Variants in COL14A1 observed in about 807,000 individuals in gnomAD.
The protein encoded by COL14A1 is collagen alpha-1(XIV) chain.
In COL14A1, 136 loss-of-function variants were observed where a neutral mutation model predicts 230.3. That is an observed-to-expected ratio of 0.59 (90% CI 0.51 to 0.68). The LOEUF is 0.68. Among genes scored for constraint, COL14A1 ranks in the 30% least tolerant of loss-of-function variants. COL14A1 has a pLI of 0.00. For synonymous variants in COL14A1, 792 were observed against 784.1 expected (o/e 1.01, Z -0.17); for missense variants, 1,976 against 2,215.8 (o/e 0.89, Z 2.17).
rs539318488 is a variant in COL14A1 at position 120,306,300 on chromosome 8, A to T, written c.4402-3709A>T. Among the ~76,000 whole-genome samples the T allele has an allele frequency of 5.9e-5, 9 of 152,248 alleles. No individual in the cohort carries two copies. The East Asian group carries it at 1.4e-3, about 23-fold the overall frequency. ...TATTTATTTGTGACCTAAACAGCAA[A>T]CTTTCTAATGGGGAGAAGCAGCAGA... On this transcript the variant is annotated intron_variant, in intron 36 of 47. Coordinates refer to ENST00000297848, the MANE Select transcript of COL14A1 (RefSeq NM_021110.4).
rs937056194 is a variant in COL14A1, at chr8:120,192,502, G to C, written c.437-4289G>C. Among the ~76,000 whole-genome samples, 5 of 152,074 alleles carry C rather than the reference G, an allele frequency of 3.3e-5. No homozygotes were observed. In the East Asian group the frequency reaches 7.7e-4, roughly 23 times the overall value. On this transcript the variant is annotated intron_variant, in intron 5 of 47. Coordinates refer to ENST00000297848, the MANE Select transcript of COL14A1 (RefSeq NM_021110.4). The stretch of plus-strand genomic sequence containing the variant: ...CATTTTTTCCTTCATTTCAACTTTG[G>C]TGAATCTGACAATTATGTATCTTGG...
intron 47 of COL14A1, 154 bp from the exon 48 acceptor site, chr8:120,370,998 T>G: frequency 9.4e-7 from 1 of 1,061,868 alleles, no homozygotes; most frequent in Non-Finnish European, 1.4e-6. Context: ...TCTGAAACCT[T>G]ATGGGGAAGG....
At chr8:120,287,068 A>G (rs1820226096) in intron 33 of COL14A1, among the ~76,000 whole-genome samples, 1 of 152,152 alleles carries the variant, frequency 6.6e-6, no homozygotes. Flanking sequence ...TTTTAAAGTG[A>G]GAGAAGGGAT....
intron 45 of COL14A1, among the ~76,000 whole-genome samples, chr8:120,356,445 T>G (rs1245212023): frequency 6.6e-6 from 1 of 152,218 alleles, no homozygotes; most frequent in Non-Finnish European, 1.5e-5. Context: ...AGCTTAAAAC[T>G]TAATCTCTGA....
At chr8:120,176,346 C>T (rs555405854) in intron 5 of COL14A1, among the ~76,000 whole-genome samples, 1 of 152,232 alleles carries the variant, frequency 6.6e-6, no homozygotes, top group South Asian at 2.1e-4. Flanking sequence ...AATGCCTTCT[C>T]TTGGAGAAGG....
chr8:120,345,664 G>A, intron 45 of COL14A1, 101 bp downstream of exon 45: 1 of 1,014,710 alleles, frequency 9.9e-7, no homozygotes, highest in East Asian at 3.3e-5. Context: ...TGAAACAATG[G>A]ACTTAAATTA....
At position 120,370,474 on chromosome 8, in the gene COL14A1, A is replaced by G. The variant is rs1171073812; in HGVS notation, c.5312-678A>G. 5.2e-6 allele frequency: 8 copies of G among 1,535,058 alleles called. No individual in the cohort carries two copies. In the East Asian group the frequency reaches 9.6e-5, roughly 18 times the overall value. ...ACCAAGCCCCTGCCCCTAACAATGG[A>G]CACTCTGCTTCCCTGCTTCTTCTGC... On this transcript the variant is annotated intron_variant, in intron 47 of 47. Coordinates refer to ENST00000297848, the MANE Select transcript of COL14A1 (RefSeq NM_021110.4).
At chr8:120,284,177 T>C (rs1472982985) in intron 32 of COL14A1, among the ~76,000 whole-genome samples, 3 of 152,206 alleles carry the variant, frequency 2.0e-5, no homozygotes, top group African/African-American at 4.8e-5. Flanking sequence ...GATGTCAGAT[T>C]GACAGCAGCA....
chr8:120,306,117 T>C (rs1261428468), intron 36 of COL14A1, among the ~76,000 whole-genome samples: 3 of 152,178 alleles, frequency 2.0e-5, no homozygotes, highest in Non-Finnish European at 4.4e-5. Context: ...GCAGTTTCAG[T>C]TCACATGTAT....
At chr8:120,344,252 A>G (rs182404804) in intron 44 of COL14A1, among the ~76,000 whole-genome samples, 1 of 152,344 alleles carries the variant, frequency 6.6e-6, no homozygotes, top group East Asian at 1.9e-4. Context: ...CTTGCCTTAC[A>G]CTACTTCAGT....
chr8:120,194,279 A>G (rs1816948882), intron 5 of COL14A1, among the ~76,000 whole-genome samples: 1 of 152,202 alleles, frequency 6.6e-6, no homozygotes, highest in South Asian at 2.1e-4. Context: ...ATTATGTGAC[A>G]TAAACACTCA....
intron 4 of COL14A1, among the ~76,000 whole-genome samples, chr8:120,165,368 TAAG>T (rs934536296): frequency 1.3e-5 from 2 of 152,200 alleles, no homozygotes; most frequent in Admixed American, 6.5e-5. Context: ...CAGTAAAACA[TAAG>T]AAATGATGTT....
At chr8:120,332,809 C>A (rs973102581) in intron 42 of COL14A1, 74 bp downstream of exon 42, 16 of 1,207,956 alleles carry the variant, frequency 1.3e-5, no homozygotes, top group Non-Finnish European at 1.8e-5. Context: ...AATTTACCAG[C>A]CTTTCTGTTA....
At chr8:120,336,185 A>G in intron 42 of COL14A1, among the ~76,000 whole-genome samples, 1 of 152,196 alleles carries the variant, frequency 6.6e-6, no homozygotes, top group South Asian at 2.1e-4. Flanking sequence ...AGAAGCTGTA[A>G]TAAAGGGCAG....
rs142764107 is a variant in COL14A1, at chr8:120,296,117, C to A, written c.4237-1394C>A. Among the ~76,000 whole-genome samples the A allele has an allele frequency of 1.0e-2, 1,512 of 151,600 alleles. 10 individuals are homozygous for A. The highest frequency in any genetic ancestry group is 0.016 in the Non-Finnish European group (1,080 of 67,758). On this transcript the variant is annotated intron_variant, in intron 34 of 47. Coordinates refer to ENST00000297848, the MANE Select transcript of COL14A1 (RefSeq NM_021110.4). ...GACATAATTTTTGTTTGTTTGTTTG[C>A]CCTGGACAGTCTCAGTTATCATACT... is the stretch of plus-strand genomic sequence containing the variant.
chr8:120,189,131 T>C (rs1363087948), intron 5 of COL14A1, among the ~76,000 whole-genome samples: 1 of 152,218 alleles, frequency 6.6e-6, no homozygotes, highest in Non-Finnish European at 1.5e-5. Context: ...GGTATATGAT[T>C]ATTGAACTTG....
intron 45 of COL14A1, among the ~76,000 whole-genome samples, chr8:120,348,793 A>G (rs1051885541): frequency 6.6e-6 from 1 of 152,250 alleles, no homozygotes; most frequent in Non-Finnish European, 1.5e-5. Context: ...TGTGATACAC[A>G]GTAAAAAATA....
chr8:120,229,574 A>T (rs559064587), intron 18 of COL14A1, among the ~76,000 whole-genome samples: 2 of 152,204 alleles, frequency 1.3e-5, no homozygotes, highest in East Asian at 3.9e-4. Flanking sequence ...ATAAACATAC[A>T]TGTGCACGTG....
At chr8:120,322,554 A>G (rs754216830) in intron 40 of COL14A1, among the ~76,000 whole-genome samples, 21 of 151,926 alleles carry the variant, frequency 1.4e-4, no homozygotes, top group Non-Finnish European at 2.6e-4. Flanking sequence ...CCCATCCTTC[A>G]CCCACTGATA....
Sources: gnomAD v4.1 joint callset for allele counts (sites outside exome capture counted in the v4.1 genomes callset) on GRCh38, gnomAD v4.1.1 for gene constraint, MANE v1.5 for transcripts, NCBI Gene and HGNC (gene_info 2026-07-23, HGNC 2026-07-21) for gene names.